SMIM7: variants seen among roughly 807,000 people sequenced by gnomAD.
SMIM7 encodes the protein small integral membrane protein 7.
In SMIM7, 12 loss-of-function variants were observed where a neutral mutation model predicts 13.3. The ratio of observed to expected loss-of-function variants is 0.90; its 90% confidence interval spans 0.58 to 1.46. The LOEUF is 1.46. SMIM7 is among the 40% of genes most tolerant of loss of function. SMIM7 has a pLI of 0.00. For synonymous variants in SMIM7, 36 were observed against 35.8 expected, an observed-to-expected ratio of 1.01 and a Z score of -0.02; for missense variants, 114 against 94.8, an observed-to-expected ratio of 1.20 and a Z score of -0.84.
intron 4 of SMIM7, among the ~76,000 whole-genome samples, chr19:16,632,166 C>A (rs747134017): frequency 6.6e-6 from 1 of 151,974 alleles, no homozygotes; most frequent in Non-Finnish European, 1.5e-5. Context: ...CCACACCCGG[C>A]CGCTGGCAGA....
intron 4 of SMIM7, among the ~76,000 whole-genome samples, chr19:16,633,610 G>A (rs2086337822): frequency 6.6e-6 from 1 of 152,002 alleles, no homozygotes; most frequent in Admixed American, 6.6e-5. Context: ...GCTCACGCCT[G>A]CAGTCCTAAC....
chr19:16,638,507 C>A (rs1183909325), intron 4 of SMIM7, among the ~76,000 whole-genome samples: 2 of 151,708 alleles, frequency 1.3e-5, no homozygotes, highest in East Asian at 3.9e-4. Context: ...AGGGTTTCAC[C>A]ACATTGGCCA....
At chr19:16,652,951 G>A (rs1318502573) in intron 4 of SMIM7, 2 of 1,550,424 alleles carry the variant, frequency 1.3e-6, no homozygotes, top group African/African-American at 2.7e-5. Flanking sequence ...ATCTGCTTGA[G>A]TTTTCTCAGC....
chr19:16,651,187 GAA>G (rs2086520093), intron 4 of SMIM7, among the ~76,000 whole-genome samples: 1 of 152,212 alleles, frequency 6.6e-6, no homozygotes, highest in African/African-American at 2.4e-5. Context: ...GGCCCCCAGT[GAA>G]AGAGTTGGCC....
intron 3 of SMIM7, among the ~76,000 whole-genome samples, chr19:16,657,442 AGT>A (rs1227405526): frequency 3.9e-5 from 6 of 152,178 alleles, no homozygotes; most frequent in Non-Finnish European, 8.8e-5. Flanking sequence ...ATGGCTGCTG[AGT>A]CAATGTATGA....
Position 16,647,233 on chromosome 19 carries a change from T to G in SMIM7, c.*13A>C. ...ATCCCGGGAAAGTGAGTTCCTGGTT[T>G]CATCGCTGGGATTCAAGAGCCGAAC... On this transcript the variant is annotated 3_prime_UTR_variant, in exon 5 of 5. Transcript: ENST00000487416. 6.2e-7 allele frequency: 1 copy of G among 1,614,076 alleles called. No individual in the cohort carries two copies. The highest frequency in any genetic ancestry group is 8.5e-7 in the Non-Finnish European group (1 of 1,180,032).
At chr19:16,645,011 C>T (rs150683894), downstream of SMIM7, 1 of 152,312 alleles carries the variant, frequency 6.6e-6, no homozygotes, top group East Asian at 1.9e-4. Context: ...TGTACTCACA[C>T]CTAACTGACC....
chr19:16,654,114 G>A lies in SMIM7; in HGVS notation c.133C>T (p.Arg45Trp), dbSNP rs201643166. The A allele has an allele frequency of 1.4e-4, 229 of 1,613,824 alleles. No homozygotes were observed. The highest frequency in any genetic ancestry group is 1.8e-4 in the Non-Finnish European group (213 of 1,179,934). Reference protein sequence around the residue: ...SREPSTGDNIREFLLSLRYFR... With the variant: ...SREPSTGDNIWEFLLSLRYFR... Reference sequence around the variant, plus strand: ...TATCTGAGGCTCAGCAAGAATTCCCGGATGTTGTCACCTGGAAGAATCAGA... The same window carrying A: ...TATCTGAGGCTCAGCAAGAATTCCCAGATGTTGTCACCTGGAAGAATCAGA... Residue 45 changes from arginine to tryptophan, a missense_variant, in exon 4 of 5, where the codon CGG becomes TGG. Arg to Trp is a moderately radical substitution (Grantham distance 101). Coordinates refer to ENST00000487416, the MANE Select transcript of SMIM7 (RefSeq NM_024104.4).
chr19:16,647,388 T>C, intron 4 of SMIM7, 127 bp from the exon 5 acceptor site: 2 of 1,122,462 alleles, frequency 1.8e-6, no homozygotes, highest in Non-Finnish European at 2.6e-6. Flanking sequence ...GTCTGATTTT[T>C]TAAAGTAACC....
rs772745495 is a variant in SMIM7 at position 16,660,121 on chromosome 19, G to A, written c.-11C>T. On this transcript the variant is annotated 5_prime_UTR_variant, in exon 1 of 5. Transcript: ENST00000487416. ...GATGTCTCCGATCATCGTTACGGCC[G>A]AAGCGTCCGTCAGAACCGGAAGCGG... The A allele has an allele frequency of 1.2e-6, 2 of 1,614,074 alleles. No individual in the cohort carries two copies. Among genetic ancestry groups the A allele is most frequent in the African/African-American group, 1.3e-5 (1 of 75,068 alleles).
At chr19:16,639,365 G>A (rs2086387801) in intron 4 of SMIM7, among the ~76,000 whole-genome samples, 1 of 151,952 alleles carries the variant, frequency 6.6e-6, no homozygotes, top group Non-Finnish European at 1.5e-5. Flanking sequence ...CTCATGATCT[G>A]CCCGCCTCCG....
At chr19:16,652,810 G>A in intron 4 of SMIM7, 1 of 1,545,328 alleles carries the variant, frequency 6.5e-7, no homozygotes, top group South Asian at 1.2e-5. Flanking sequence ...GAAGCATACA[G>A]GGATGGACCC....
At chr19:16,633,540 G>C (rs1023686033) in intron 4 of SMIM7, among the ~76,000 whole-genome samples, 6 of 150,830 alleles carry the variant, frequency 4.0e-5, no homozygotes, top group Non-Finnish European at 5.9e-5. Flanking sequence ...AGTAAATTAA[G>C]TGTGTGCGTG....
At chr19:16,649,811 C>T (rs2086496594) in intron 4 of SMIM7, among the ~76,000 whole-genome samples, 1 of 152,092 alleles carries the variant, frequency 6.6e-6, no homozygotes, top group South Asian at 2.1e-4. Context: ...AAGCACTGCT[C>T]CAGGCTACAA....
intron 4 of SMIM7, among the ~76,000 whole-genome samples, chr19:16,649,097 T>C (rs1277787090): frequency 6.6e-6 from 1 of 152,142 alleles, no homozygotes; most frequent in African/African-American, 2.4e-5. Flanking sequence ...TTGGCAAGGA[T>C]ACGGAGAAAG....
At position 16,646,571 on chromosome 19, in the gene SMIM7, C is replaced by G. The variant is rs2086450873; in HGVS notation, c.*675G>C. On this transcript the variant is annotated 3_prime_UTR_variant, in exon 5 of 5. Transcript: ENST00000487416. ...ATTCCTGCAACTGTACAATGAATGG[C>G]TCCCAAAGTCATTTTATTTAACAAA... The G allele has an allele frequency of 6.5e-6, 1 of 154,712 alleles. No individual in the cohort carries two copies. The highest frequency in any genetic ancestry group is 6.5e-5 in the Admixed American group (1 of 15,294). The allele number at this position is 154,712 out of a possible 1,614,324, so 9.6% of individuals were successfully genotyped here.
intron 2 of SMIM7, 108 bp from the exon 3 acceptor site, chr19:16,659,555 C>T (rs2086644639): frequency 6.1e-6 from 7 of 1,146,156 alleles, no homozygotes; most frequent in Non-Finnish European, 8.9e-6. Flanking sequence ...CCTGGCCCTG[C>T]CGCAAACTTG....
downstream of SMIM7, among the ~76,000 whole-genome samples, chr19:16,641,840 C>A (rs1049217259): frequency 1.3e-5 from 2 of 152,172 alleles, no homozygotes; most frequent in Non-Finnish European, 2.9e-5. Context: ...CTCAGCTTCC[C>A]AAAGTGTGGG....
downstream of SMIM7, chr19:16,645,246 A>C (rs766893780): frequency 6.6e-6 from 1 of 152,214 alleles, no homozygotes; most frequent in Non-Finnish European, 1.5e-5. Context: ...CTATTGAAAC[A>C]AAACCTCAAT....
Sources: allele counts gnomAD v4.1 joint callset (sites outside exome capture counted in the v4.1 genomes callset), GRCh38; gene constraint gnomAD v4.1.1; transcripts MANE v1.5; gene names NCBI Gene and HGNC (gene_info 2026-07-23, HGNC 2026-07-21).